The following SCG2 variants were observed in gnomAD, a reference collection of about 807,000 sequenced individuals.
The protein encoded by SCG2 is secretogranin II.
SCG2 carries 23 observed loss-of-function variants against 49.5 expected under a neutral mutation model. That is an observed-to-expected ratio of 0.46 (90% CI 0.33 to 0.66). The LOEUF (loss-of-function observed/expected upper bound fraction) is 0.66, where lower values mean the gene tolerates loss of function less well. SCG2 is among the 30% of genes least tolerant of loss of function. SCG2 has a pLI of 0.01. For missense variants in SCG2, 730 were observed against 728.2 expected, an observed-to-expected ratio of 1.00 and a Z score of -0.03; for synonymous variants, 288 against 260.4, an observed-to-expected ratio of 1.11 and a Z score of -1.02.
rs183114040 is a variant in SCG2 at position 223,599,153 on chromosome 2, A to G, written c.130T>C (p.Leu44=). 5.6e-6 allele frequency: 9 copies of G among 1,613,912 alleles called. 1 individual carries two copies. In the South Asian group the frequency reaches 8.8e-5, roughly 16 times the overall value. Residue 44 remains leucine (L), a synonymous_variant, in exon 2 of 2, where the codon TTG becomes CTG. Coordinates refer to ENST00000305409, the MANE Select transcript of SCG2 (RefSeq NM_003469.5). ...QLLQKEPDLR[L]ENVQKFPSPE... Reference sequence around the variant, plus strand: ...CTGGGAAACTTTTGGACATTTTCCAACCTGAGGTCTGGTTCTTTCTGAAGC... The same window carrying G: ...CTGGGAAACTTTTGGACATTTTCCAGCCTGAGGTCTGGTTCTTTCTGAAGC...
chr2:223,598,605 A>T lies in SCG2; in HGVS notation c.678T>A (p.Tyr226Ter). The T allele has an allele frequency of 6.2e-7, 1 of 1,614,100 alleles. No homozygotes were observed. Among genetic ancestry groups the T allele is most frequent in the Non-Finnish European group, 8.5e-7 (1 of 1,180,040 alleles). Residue 226 changes from tyrosine (Y) to a stop codon, truncating the protein, a stop_gained, in exon 2 of 2, where the codon TAT (tyrosine) becomes TAA (stop). Coordinates refer to ENST00000305409, the MANE Select transcript of SCG2 (RefSeq NM_003469.5). LOFTEE classifies it high-confidence loss of function. ...TGTAGATATCATCTTCATCATCCGT[A>T]TAAAGTTTTTGCTCCTCATCCATCC... ...RERMDEEQKLYTDDEDDIYKA... is the reference protein window; with the variant it reads ...RERMDEEQKL
chr2:223,598,925 G>A lies in SCG2; in HGVS notation c.358C>T (p.Gln120Ter). The part of the protein sequence containing the change: ...WMRIILEALR[Q>*]AENEPQSAPK... ...GCAGACTGAGGCTCATTTTCAGCCTGTCTCAAAGCTTCGAGTATTATTCTC... is the reference window on the plus strand; with the variant it reads ...GCAGACTGAGGCTCATTTTCAGCCTATCTCAAAGCTTCGAGTATTATTCTC... Residue 120 changes from glutamine (Q) to a stop codon, truncating the protein, a stop_gained, in exon 2 of 2, where the codon CAG becomes TAG. Coordinates refer to ENST00000305409, the MANE Select transcript of SCG2 (RefSeq NM_003469.5). LOFTEE classifies it high-confidence loss of function. 1 of 1,614,160 alleles carries A rather than the reference G, an allele frequency of 6.2e-7. No individual in the cohort carries two copies. Among genetic ancestry groups the A allele is most frequent in the Non-Finnish European group, 8.5e-7 (1 of 1,180,018 alleles).
chr2:223,597,562 G>A lies in SCG2; in HGVS notation c.1721C>T (p.Pro574Leu), dbSNP rs748029164. The A allele has an allele frequency of 3.1e-6, 5 of 1,613,782 alleles. No homozygotes were observed. The highest frequency in any genetic ancestry group is 1.7e-5 in the Admixed American group (1 of 59,966). The change falls in exon 2 of 2, where the codon CCG becomes CTG. Residue 574 changes from proline (P) to leucine (L), a missense_variant. Pro to Leu is a moderately conservative substitution (Grantham distance 98, BLOSUM62 -3). Transcript: ENST00000305409. Reference protein sequence around the residue: ...PVSKRFPVGPPKNDDTPNRQY... With the variant: ...PVSKRFPVGPLKNDDTPNRQY... ...CCTATTTGGGGTATCATCATTCTTCGGGGGCCCCACAGGGAACCTTTTGCT... is the reference window on the plus strand; with the variant it reads ...CCTATTTGGGGTATCATCATTCTTCAGGGGCCCCACAGGGAACCTTTTGCT...
chr2:223,598,130 G>A lies in SCG2; in HGVS notation c.1153C>T (p.Leu385Phe). 1.2e-6 allele frequency: 2 copies of A among 1,611,242 alleles called. No individual in the cohort carries two copies. Among genetic ancestry groups the A allele is most frequent in the Non-Finnish European group, 1.7e-6 (2 of 1,178,426 alleles). The change falls in exon 2 of 2, where the codon CTT (leucine) becomes TTT (phenylalanine). Residue 385 changes from leucine (L) to phenylalanine (F), a missense_variant. By Grantham distance (22) the Leu-to-Phe change is conservative (BLOSUM62 0). Transcript: ENST00000305409. ...PNGSVEPERE[L>F]DLPVDLDDIS... ...TCATCTAGGTCAACAGGAAGGTCAA[G>A]CTCCCGCTCCGGTTCCACTGATCCA...
chr2:223,601,913 C>T (rs1691396796), intron 1 of SCG2, among the ~76,000 whole-genome samples: 1 of 152,142 alleles, frequency 6.6e-6, no homozygotes. Context: ...AAATTATACC[C>T]CTGGCTTCGT....
chr2:223,599,350 T>C, intron 1 of SCG2, 54 bp from the exon 2 acceptor site: 2 of 1,409,724 alleles, frequency 1.4e-6, no homozygotes, highest in Non-Finnish European at 1.9e-6. Flanking sequence ...GAAGACACTA[T>C]AGCAAAAGAA....
chr2:223,598,443 A>G lies in SCG2; in HGVS notation c.840T>C (p.Asp280=), dbSNP rs781023192. The change falls in exon 2 of 2, where the codon GAT becomes GAC. Residue 280 remains aspartate (D), a synonymous_variant. Transcript: ENST00000305409. ...ENIEKNEQIN[D]EMKRSGQLGI... is the part of the protein sequence containing the mutation. ...CAAGCTGCCCTGAGCGTTTCATCTC[A>G]TCGTTGATTTGTTCATTTTTTTCTA... The G allele has an allele frequency of 1.2e-6, 2 of 1,613,820 alleles. No homozygotes were observed. The highest frequency in any genetic ancestry group is 2.7e-5 in the African/African-American group (2 of 74,858).
chr2:223,600,720 G>A (rs984457428), intron 1 of SCG2, among the ~76,000 whole-genome samples: 1 of 151,992 alleles, frequency 6.6e-6, no homozygotes. Context: ...GCTTAGTTAT[G>A]AAAACATTTT....
At chr2:223,599,377 G>T in intron 1 of SCG2, 81 bp from the exon 2 acceptor site, 1 of 1,201,542 alleles carries the variant, frequency 8.3e-7, no homozygotes, top group Non-Finnish European at 1.1e-6. Context: ...GATCATTGAG[G>T]TGAGGAAAAA....
chr2:223,601,050 T>C (rs1691382224), intron 1 of SCG2, among the ~76,000 whole-genome samples: 1 of 152,206 alleles, frequency 6.6e-6, no homozygotes, highest in South Asian at 2.1e-4. Context: ...ATGTGGATTA[T>C]ATGCTCATCT....
chr2:223,598,582 T>A lies in SCG2; in HGVS notation c.701A>T (p.Tyr234Phe). ...KLYTDDEDDIYKANNIAYEDV... is the reference protein window; with the variant it reads ...KLYTDDEDDIFKANNIAYEDV... ...TTCATAGGCAATGTTATTAGCCTTG[T>A]AGATATCATCTTCATCATCCGTATA... is the stretch of plus-strand genomic sequence containing the variant. Residue 234 changes from tyrosine to phenylalanine, a missense_variant, in exon 2 of 2, where the codon TAC becomes TTC. Tyr to Phe is a conservative substitution (Grantham distance 22). Coordinates refer to ENST00000305409, the MANE Select transcript of SCG2 (RefSeq NM_003469.5). 6.2e-7 allele frequency: 1 copy of A among 1,614,162 alleles called. No homozygotes were observed. The highest frequency in any genetic ancestry group is 8.5e-7 in the Non-Finnish European group (1 of 1,180,040).
chr2:223,598,817 A>G lies in SCG2; in HGVS notation c.466T>C (p.Trp156Arg), dbSNP rs758166457. ...ATGTGCTTAAGCTTTCTTTCTGGCC[A>G]CTGCTGTGTCTCATAATCATCACTC... ...DMSDDYETQQ[W>R]PERKLKHMQF... Residue 156 changes from tryptophan (W) to arginine (R), a missense_variant, in exon 2 of 2, where the codon TGG (tryptophan) becomes CGG (arginine). Physicochemically the swap from Trp to Arg is moderately radical, Grantham distance 101. Coordinates refer to ENST00000305409, the MANE Select transcript of SCG2 (RefSeq NM_003469.5). The G allele has an allele frequency of 5.0e-6, 8 of 1,614,016 alleles. No homozygotes were observed. In the Admixed American group the frequency reaches 1.3e-4, roughly 27 times the overall value.
rs1356441945 is a variant in SCG2 at position 223,598,142 on chromosome 2, G to C, written c.1141C>G (p.Pro381Ala). ...ACAGGAAGGTCAAGCTCCCGCTCCG[G>C]TTCCACTGATCCATTCGGCTTCTCC... ...TGEKPNGSVE[P>A]ERELDLPVDL... Residue 381 changes from proline to alanine, a missense_variant, in exon 2 of 2, where the codon CCG becomes GCG. Coordinates refer to ENST00000305409, the MANE Select transcript of SCG2 (RefSeq NM_003469.5). The C allele has an allele frequency of 1.9e-6, 3 of 1,612,948 alleles. No individual in the cohort carries two copies.
rs1691329936 is a variant in SCG2 at position 223,598,182 on chromosome 2, C to T, written c.1101G>A (p.Glu367=). The T allele has an allele frequency of 1.2e-6, 2 of 1,613,962 alleles. No homozygotes were observed. The highest frequency in any genetic ancestry group is 1.7e-6 in the Non-Finnish European group (2 of 1,180,010). ...NLQIPPEDLI[E]MLKTGEKPNG... Reference sequence around the variant, plus strand: ...TCGGCTTCTCCCCAGTTTTGAGCATCTCAATTAAGTCTTCTGGGGGTATCT... The same window carrying T: ...TCGGCTTCTCCCCAGTTTTGAGCATTTCAATTAAGTCTTCTGGGGGTATCT... Residue 367 remains glutamate (E), a synonymous_variant, in exon 2 of 2, where the codon GAG becomes GAA. Transcript: ENST00000305409.
rs1378844356 is a variant in SCG2 at position 223,599,244 on chromosome 2, C to A, written c.39G>T (p.Leu13=). The change falls in exon 2 of 2, where the codon CTG becomes CTT. Residue 13 remains leucine (L), a synonymous_variant. Transcript: ENST00000305409. ...TGAGGAAAATTAAAGGGATAAGAGACAGGGCTGCTCCAAGCCAGTGGGTCT... is the reference window on the plus strand; with the variant it reads ...TGAGGAAAATTAAAGGGATAAGAGAAAGGGCTGCTCCAAGCCAGTGGGTCT... The part of the protein sequence containing the change: ...EAKTHWLGAA[L]SLIPLIFLIS... 6.3e-7 allele frequency: 1 copy of A among 1,595,534 alleles called. No homozygotes were observed. The highest frequency in any genetic ancestry group is 1.3e-5 in the African/African-American group (1 of 74,424).
chr2:223,597,346 G>A lies in SCG2; in HGVS notation c.*83C>T, dbSNP rs1691311414. The A allele has an allele frequency of 2.0e-6, 3 of 1,479,216 alleles. No homozygotes were observed. In the African/African-American group the frequency reaches 4.2e-5, roughly 21 times the overall value. 91.6% of individuals were successfully genotyped at this position (1,479,216 alleles called of 1,614,324 possible). On this transcript the variant is annotated 3_prime_UTR_variant, in exon 2 of 2. Transcript: ENST00000305409. The stretch of plus-strand genomic sequence containing the variant: ...TTTAAAGATATTACAGTGTTAACAG[G>A]ATAGAAGTCAACACACTGAAGAGAA...
rs777727782 is a variant in SCG2 at position 223,598,819 on chromosome 2, T to G, written c.464A>C (p.Gln155Pro). Reference sequence around the variant, plus strand: ...GTGCTTAAGCTTTCTTTCTGGCCACTGCTGTGTCTCATAATCATCACTCAT... The same window carrying G: ...GTGCTTAAGCTTTCTTTCTGGCCACGGCTGTGTCTCATAATCATCACTCAT... Reference protein sequence around the residue: ...MDMSDDYETQQWPERKLKHMQ... With the variant: ...MDMSDDYETQPWPERKLKHMQ... Residue 155 changes from glutamine to proline, a missense_variant, in exon 2 of 2, where the codon CAG (glutamine) becomes CCG (proline). Gln to Pro is a moderately conservative substitution (Grantham distance 76, BLOSUM62 -1). Coordinates refer to ENST00000305409, the MANE Select transcript of SCG2 (RefSeq NM_003469.5). The G allele has an allele frequency of 3.7e-6, 6 of 1,614,076 alleles. No individual in the cohort carries two copies. The highest frequency in any genetic ancestry group is 5.1e-6 in the Non-Finnish European group (6 of 1,180,042).
rs1691329482 is a variant in SCG2, at chr2:223,598,159, G to A, written c.1124C>T (p.Pro375Leu). The change falls in exon 2 of 2, where the codon CCG becomes CTG. Residue 375 changes from proline (P) to leucine (L), a missense_variant. By Grantham distance (98) the Pro-to-Leu change is moderately conservative. Coordinates refer to ENST00000305409, the MANE Select transcript of SCG2 (RefSeq NM_003469.5). Reference sequence around the variant, plus strand: ...CCGCTCCGGTTCCACTGATCCATTCGGCTTCTCCCCAGTTTTGAGCATCTC... The same window carrying A: ...CCGCTCCGGTTCCACTGATCCATTCAGCTTCTCCCCAGTTTTGAGCATCTC... ...LIEMLKTGEKPNGSVEPEREL... is the reference protein window; with the variant it reads ...LIEMLKTGEKLNGSVEPEREL... The A allele has an allele frequency of 4.3e-6, 7 of 1,613,600 alleles. No homozygotes were observed. Among genetic ancestry groups the A allele is most frequent in the Middle Eastern group, 1.6e-4 (1 of 6,084 alleles).
At position 223,598,929 on chromosome 2, in the gene SCG2, C is replaced by G. The variant is rs141797542; in HGVS notation, c.354G>C (p.Leu118Phe). Residue 118 changes from leucine (L) to phenylalanine (F), a missense_variant, in exon 2 of 2, where the codon TTG becomes TTC. Coordinates refer to ENST00000305409, the MANE Select transcript of SCG2 (RefSeq NM_003469.5). ...ACTGAGGCTCATTTTCAGCCTGTCT[C>G]AAAGCTTCGAGTATTATTCTCATCC... ...EDWMRIILEALRQAENEPQSA... is the reference protein window; with the variant it reads ...EDWMRIILEAFRQAENEPQSA... 1.5e-5 allele frequency: 24 copies of G among 1,614,032 alleles called. No individual in the cohort carries two copies. Among genetic ancestry groups the G allele is most frequent in the African/African-American group, 6.7e-5 (5 of 74,918 alleles).
Sources: gnomAD v4.1 joint callset for allele counts (sites outside exome capture counted in the v4.1 genomes callset) on GRCh38, gnomAD v4.1.1 for gene constraint, MANE v1.5 for transcripts, NCBI Gene and HGNC (gene_info 2026-07-23, HGNC 2026-07-21) for gene names.